The following MYO9A variants were observed in gnomAD, a reference collection of about 807,000 sequenced individuals.
MYO9A encodes the protein myosin IXA, also known as unconventional myosin-IXa.
In MYO9A, 103 loss-of-function variants were observed where a neutral mutation model predicts 293.3. That is an observed-to-expected ratio of 0.35 (90% CI 0.30 to 0.41). The LOEUF (loss-of-function observed/expected upper bound fraction) is 0.41. Ranked by LOEUF, MYO9A falls within the 10% of genes least tolerant of loss-of-function variation. The probability of loss-of-function intolerance (pLI) is 1.00; values close to 1 mark genes in which losing one functional copy is unlikely to be tolerated. For synonymous variants in MYO9A, 1,001 were observed against 1,035.7 expected (o/e 0.97, Z 0.64); for missense variants, 2,685 against 3,033.0 (o/e 0.89, Z 2.69).
intron 16 of MYO9A, among the ~76,000 whole-genome samples, chr15:71,935,862 C>A (rs558383665): frequency 4.6e-5 from 7 of 151,660 alleles, no homozygotes; most frequent in Non-Finnish European, 8.8e-5. Context: ...TACACTATCC[C>A]ATCCTATGGA....
chr15:71,928,409 T>C (rs2058385901), intron 18 of MYO9A, among the ~76,000 whole-genome samples: 4 of 152,092 alleles, frequency 2.6e-5, no homozygotes, highest in Admixed American at 2.6e-4. Context: ...TTGTTCAAGA[T>C]TGCTTTGGCT....
chr15:72,057,897 C>G (rs951779981), intron 1 of MYO9A, among the ~76,000 whole-genome samples: 8 of 152,186 alleles, frequency 5.3e-5, no homozygotes, highest in Non-Finnish European at 7.3e-5. Flanking sequence ...CTGAGCCACT[C>G]TGAGGTAGGT....
intron 8 of MYO9A, among the ~76,000 whole-genome samples, chr15:72,005,701 T>C (rs2076996426): frequency 6.6e-6 from 1 of 152,068 alleles, no homozygotes; most frequent in Non-Finnish European, 1.5e-5. Flanking sequence ...ACAGAAAAAA[T>C]AAACGCTGGG....
chr15:71,956,871 A>G (rs1315042917), intron 14 of MYO9A, among the ~76,000 whole-genome samples: 1 of 149,848 alleles, frequency 6.7e-6, no homozygotes, highest in Non-Finnish European at 1.5e-5. Context: ...ATATATATAT[A>G]TATATATATA....
In MYO9A at chr15:71,903,029, C is replaced by T. The variant is rs1250373654; in HGVS notation, c.2912G>A (p.Arg971Gln). 10 of 1,591,948 alleles carry T rather than the reference C, an allele frequency of 6.3e-6. No individual in the cohort carries two copies. The highest frequency in any genetic ancestry group is 4.5e-5 in the East Asian group (2 of 44,618). ...FVSHFHVLLP[R>Q]NIIPSKFNIQ... is the part of the protein sequence containing the mutation. ...GTTAAATTTGGATGGAATAATATTT[C>T]GGGGAAGAAGTACATGGAAGTGGCT... is the stretch of plus-strand genomic sequence containing the variant. The change falls in exon 22 of 42, where the codon CGA (arginine) becomes CAA (glutamine). Residue 971 changes from arginine (R) to glutamine (Q), a missense_variant. Physicochemically the swap from Arg to Gln is conservative, Grantham distance 43. Coordinates refer to ENST00000356056, the MANE Select transcript of MYO9A (RefSeq NM_006901.4).
chr15:71,885,643 T>C (rs1375500765), intron 27 of MYO9A, among the ~76,000 whole-genome samples: 2 of 152,172 alleles, frequency 1.3e-5, no homozygotes, highest in African/African-American at 2.4e-5. Flanking sequence ...TTTTGTTTCA[T>C]AACAACATGT....
chr15:72,005,621 T>TCCCTTC (rs2076994187), intron 8 of MYO9A, among the ~76,000 whole-genome samples: 1 of 152,194 alleles, frequency 6.6e-6, no homozygotes, highest in African/African-American at 2.4e-5. Context: ...TTCAAGGTAC[T>TCCCTTC]CCCTTCCCCT....
At chr15:72,069,322 A>G (rs1292170231) in intron 1 of MYO9A, among the ~76,000 whole-genome samples, 1 of 152,182 alleles carries the variant, frequency 6.6e-6, no homozygotes, top group African/African-American at 2.4e-5. Context: ...CTACAATTGT[A>G]TATGTAATTG....
intron 33 of MYO9A, among the ~76,000 whole-genome samples, chr15:71,861,759 G>C (rs2056144183): frequency 6.9e-6 from 1 of 145,030 alleles, no homozygotes; most frequent in African/African-American, 2.6e-5. Context: ...TGAAAAACAA[G>C]AACACAAATA....
At chr15:72,057,814 T>G (rs2078764136) in intron 1 of MYO9A, among the ~76,000 whole-genome samples, 2 of 152,196 alleles carry the variant, frequency 1.3e-5, no homozygotes, top group Admixed American at 1.3e-4. Flanking sequence ...AGCCACTGAA[T>G]CCAGTTGTGC....
intron 1 of MYO9A, among the ~76,000 whole-genome samples, chr15:72,083,747 A>G (rs575846327): frequency 6.6e-6 from 1 of 152,222 alleles, no homozygotes; most frequent in East Asian, 1.9e-4. Context: ...TTTTGCCTTA[A>G]TTTCATGGTT....
At chr15:71,936,693 A>C (rs918126927) in intron 16 of MYO9A, among the ~76,000 whole-genome samples, 8 of 152,112 alleles carry the variant, frequency 5.3e-5, no homozygotes, top group Non-Finnish European at 7.4e-5. Flanking sequence ...CCATATTTAT[A>C]AATCTCAGCT....
intron 15 of MYO9A, among the ~76,000 whole-genome samples, chr15:71,942,742 G>A (rs937001212): frequency 6.6e-6 from 1 of 151,888 alleles, no homozygotes; most frequent in Non-Finnish European, 1.5e-5. Flanking sequence ...CTTCTCATTA[G>A]GGATGTTATT....
chr15:71,986,818 AATTT>A (rs1203939353), intron 11 of MYO9A, among the ~76,000 whole-genome samples: 2 of 152,312 alleles, frequency 1.3e-5, no homozygotes, highest in African/African-American at 4.8e-5. Context: ...GGCTCAGGTT[AATTT>A]ATTACAAAAA....
intron 19 of MYO9A, among the ~76,000 whole-genome samples, chr15:71,913,886 A>T (rs77213470): frequency 5.1e-5 from 1 of 19,644 alleles, no homozygotes; most frequent in Non-Finnish European, 2.0e-4. Context: ...CATGTAATAA[A>T]AGGTCGTTTC....
At chr15:72,086,612 T>C (rs1296003705) in intron 1 of MYO9A, among the ~76,000 whole-genome samples, 1 of 141,760 alleles carries the variant, frequency 7.1e-6, no homozygotes, top group Admixed American at 7.2e-5. Context: ...GATCTGCCTG[T>C]GCACACACAC....
At chr15:71,909,572 T>C (rs1339235816) in intron 19 of MYO9A, among the ~76,000 whole-genome samples, 1 of 152,234 alleles carries the variant, frequency 6.6e-6, no homozygotes, top group East Asian at 1.9e-4. Context: ...GCCCCTCCCC[T>C]CTGTTCAATA....
At chr15:72,042,016 A>T (rs911788891) in intron 2 of MYO9A, among the ~76,000 whole-genome samples, 25 of 88,966 alleles carry the variant, frequency 2.8e-4, no homozygotes, top group South Asian at 1.1e-3. Flanking sequence ...CACTGACAGT[A>T]AAAAAAAAAA....
chr15:72,110,367 C>T (rs571232759), intron 1 of MYO9A, among the ~76,000 whole-genome samples: 2 of 140,236 alleles, frequency 1.4e-5, no homozygotes, highest in South Asian at 4.7e-4. Context: ...ACCCGGAAGC[C>T]GGAGGTTGCA....
Sources: gnomAD v4.1 joint callset for allele counts (sites outside exome capture counted in the v4.1 genomes callset) on GRCh38, gnomAD v4.1.1 for gene constraint, MANE v1.5 for transcripts, NCBI Gene and HGNC (gene_info 2026-07-23, HGNC 2026-07-21) for gene names.